The following STAB1 variants were observed in gnomAD, a reference collection of about 807,000 sequenced individuals.
The protein encoded by STAB1 is stabilin-1.
In STAB1, 250 loss-of-function variants were observed where a neutral mutation model predicts 332.4. The observed-to-expected ratio is 0.75, with a 90% CI of 0.68 to 0.84. STAB1 has a LOEUF of 0.84. Ranked by LOEUF, STAB1 falls within the 40% of genes least tolerant of loss-of-function variation. The pLI is 0.00. For missense variants in STAB1, 3,249 were observed against 3,489.7 expected, an observed-to-expected ratio of 0.93 and a Z score of 1.74; for synonymous variants, 1,475 against 1,390.4, an observed-to-expected ratio of 1.06 and a Z score of -1.35.
In STAB1 at chr3:52,501,199, T is replaced by A. The variant is rs753286758; in HGVS notation, c.112T>A (p.Phe38Ile). ...CAAAGGCTGTGATGTGAAAACCACG[T>A]TTGTCACTCATGTACCCTGCACCTC... is the stretch of plus-strand genomic sequence containing the variant. ...LFKGCDVKTT[F>I]VTHVPCTSCA... Residue 38 changes from phenylalanine to isoleucine, a missense_variant, in exon 2 of 69, where the codon TTT (phenylalanine) becomes ATT (isoleucine). Coordinates refer to ENST00000321725, the MANE Select transcript of STAB1 (RefSeq NM_015136.3). The A allele has an allele frequency of 1.9e-6, 3 of 1,613,604 alleles. No individual in the cohort carries two copies. The highest frequency in any genetic ancestry group is 2.5e-6 in the Non-Finnish European group (3 of 1,179,904).
chr3:52,502,896 A>G (rs1225775266), intron 6 of STAB1, 103 bp from the exon 7 acceptor site: 3 of 1,247,534 alleles, frequency 2.4e-6, no homozygotes, highest in Admixed American at 2.3e-5. Flanking sequence ...CAGCAAGGTC[A>G]GGGCCCTGCT....
chr3:52,513,512 T>C (rs1709446917), intron 30 of STAB1, among the ~76,000 whole-genome samples: 1 of 152,190 alleles, frequency 6.6e-6, no homozygotes, highest in African/African-American at 2.4e-5. Flanking sequence ...GGGGAGGGTC[T>C]GTGTGCCCAG....
In STAB1 at chr3:52,522,848, C is replaced by T. The variant is rs750320801; in HGVS notation, c.6818C>T (p.Ala2273Val). 68 of 1,613,180 alleles carry T rather than the reference C, an allele frequency of 4.2e-5. No homozygotes were observed. Among genetic ancestry groups the T allele is most frequent in the Admixed American group, 6.7e-5 (4 of 60,002 alleles). Residue 2273 changes from alanine (A) to valine (V), a missense_variant, in exon 62 of 69, where the codon GCG (alanine) becomes GTG (valine). Ala to Val is a moderately conservative substitution (Grantham distance 64). Coordinates refer to ENST00000321725, the MANE Select transcript of STAB1 (RefSeq NM_015136.3). ...GCCCACCCTGTGGTTTTCCCTGTGG[C>T]GGACTGTGGCAATGGTCGGGTGGGC... is the stretch of plus-strand genomic sequence containing the variant. The part of the protein sequence containing the change: ...STAHPVVFPV[A>V]DCGNGRVGIV...
At chr3:52,503,750 C>T (rs1708627387) in intron 8 of STAB1, 22 bp from the exon 9 acceptor site, 1 of 1,612,628 alleles carries the variant, frequency 6.2e-7, no homozygotes, top group South Asian at 1.1e-5. Context: ...TGGTGTTCCC[C>T]TCCTGCCCTG....
rs763792394 is a variant in STAB1 at position 52,509,944 on chromosome 3, C to T, written c.2422C>T (p.Pro808Ser). Residue 808 changes from proline to serine, a missense_variant, in exon 23 of 69, where the codon CCT becomes TCT. Physicochemically the swap from Pro to Ser is moderately conservative, Grantham distance 74. Transcript: ENST00000321725. ...GGTGTGCCAGCAGGGCACGTGTGCCCCTGGCTTCAGTGGCCGGTTCTGCAA... is the reference window on the plus strand; with the variant it reads ...GGTGTGCCAGCAGGGCACGTGTGCCTCTGGCTTCAGTGGCCGGTTCTGCAA... ...GGVCQQGTCA[P>S]GFSGRFCNES... 1.2e-6 allele frequency: 2 copies of T among 1,612,900 alleles called. No homozygotes were observed. Among genetic ancestry groups the T allele is most frequent in the Non-Finnish European group, 1.7e-6 (2 of 1,179,996 alleles).
At chr3:52,516,910 C>G in intron 41 of STAB1, 74 bp from the exon 42 acceptor site, 5 of 1,602,088 alleles carry the variant, frequency 3.1e-6, no homozygotes, top group Non-Finnish European at 4.3e-6. Flanking sequence ...TTTCCTTTCT[C>G]TCACGCCCTC....
intron 16 of STAB1, 80 bp downstream of exon 16, chr3:52,506,016 AT>A: frequency 6.4e-7 from 1 of 1,569,100 alleles, no homozygotes; most frequent in South Asian, 1.1e-5. Context: ...CCAAGGCCCC[AT>A]CTCTTCTCCA....
At chr3:52,506,994 A>G in intron 18 of STAB1, 144 bp downstream of exon 18, 1 of 1,129,918 alleles carries the variant, frequency 8.9e-7, no homozygotes, top group Non-Finnish European at 1.2e-6. Context: ...CCAAGGACCC[A>G]CCTGTGCTTC....
At chr3:52,508,202 G>A in intron 20 of STAB1, 71 bp from the exon 21 acceptor site, 9 of 1,487,816 alleles carry the variant, frequency 6.0e-6, no homozygotes, top group Non-Finnish European at 7.4e-6. Flanking sequence ...ATGGGGCCAG[G>A]GAGCAGAGGC....
At chr3:52,496,422 C>T (rs954261334) in intron 1 of STAB1, among the ~76,000 whole-genome samples, 2 of 152,230 alleles carry the variant, frequency 1.3e-5, no homozygotes, top group African/African-American at 4.8e-5. Flanking sequence ...GCGGGGAGGA[C>T]TTGCCCAGGA....
chr3:52,502,830 G>T, intron 6 of STAB1, 103 bp downstream of exon 6: 1 of 1,348,390 alleles, frequency 7.4e-7, no homozygotes, highest in South Asian at 1.3e-5. Context: ...CAGGACCTCC[G>T]CCTGGAGCCT....
At chr3:52,514,044 G>A (rs1709488103) in intron 32 of STAB1, 63 bp downstream of exon 32, 2 of 1,597,436 alleles carry the variant, frequency 1.3e-6, no homozygotes, top group Non-Finnish European at 1.7e-6. Context: ...AGGTCCAGAG[G>A]GACCTGGCTG....
At position 52,501,298 on chromosome 3, in the gene STAB1, T is replaced by C; in HGVS notation, c.211T>C (p.Cys71Arg). The C allele has an allele frequency of 6.2e-7, 1 of 1,612,918 alleles. No individual in the cohort carries two copies. The highest frequency in any genetic ancestry group is 8.5e-7 in the Non-Finnish European group (1 of 1,179,756). Residue 71 changes from cysteine (C) to arginine (R), a missense_variant, in exon 2 of 69, where the codon TGC (cysteine) becomes CGC (arginine). Cys to Arg is a radical substitution (Grantham distance 180). Coordinates refer to ENST00000321725, the MANE Select transcript of STAB1 (RefSeq NM_015136.3). ...RELPDQITQD[C>R]RYEVQLGGSM... ...GCTCCCGGATCAGATAACCCAGGAC[T>C]GCCGGTGCGGGCCACCCCTGTCCTT...
chr3:52,518,737 G>A lies in STAB1; in HGVS notation c.4902G>A (p.Arg1634=), dbSNP rs1029137422. ...CTCTGCTCCAGGATGAGCTGGCCCG[G>A]ATTCGTGCGCATCGCCAGCTGGTGT... ...MSNLSQDELA[R]IRAHRQLVFR... The change falls in exon 48 of 69, where the codon CGG becomes CGA. Residue 1634 remains arginine, a synonymous_variant. Transcript: ENST00000321725. 2.5e-6 allele frequency: 4 copies of A among 1,612,430 alleles called. No homozygotes were observed. Among genetic ancestry groups the A allele is most frequent in the African/African-American group, 2.7e-5 (2 of 74,908 alleles).
Position 52,506,724 on chromosome 3 carries a change from G to T in STAB1, c.1863G>T (p.Pro621=), listed in dbSNP as rs776333999. ...GRILLGPEGV[P]LQRVDVMAAN... is the part of the protein sequence containing the mutation. ...TCCTGCTGGGACCCGAGGGGGTCCC[G>T]CTGCAGAGGGTAGACGTGATGGCCG... Residue 621 remains proline, a synonymous_variant, in exon 18 of 69, where the codon CCG becomes CCT. Coordinates refer to ENST00000321725, the MANE Select transcript of STAB1 (RefSeq NM_015136.3). 5.4e-5 allele frequency: 87 copies of T among 1,611,896 alleles called. No individual in the cohort carries two copies.
In STAB1 at chr3:52,522,892, C is replaced by T. The variant is rs758492129; in HGVS notation, c.6862C>T (p.Arg2288Cys). Residue 2288 changes from arginine (R) to cysteine (C), a missense_variant, in exon 62 of 69, where the codon CGC becomes TGC. Physicochemically the swap from Arg to Cys is radical, Grantham distance 180. Coordinates refer to ENST00000321725, the MANE Select transcript of STAB1 (RefSeq NM_015136.3). ...GRVGIVSLGA[R>C]KNLSERWDAY... is the part of the protein sequence containing the mutation. Reference sequence around the variant, plus strand: ...GGTGGGCATAGTCAGCCTGGGTGCCCGCAAGAACCTCTCAGAACGCTGGGA... The same window carrying T: ...GGTGGGCATAGTCAGCCTGGGTGCCTGCAAGAACCTCTCAGAACGCTGGGA... The T allele has an allele frequency of 2.2e-5, 35 of 1,613,232 alleles. No individual in the cohort carries two copies. The highest frequency in any genetic ancestry group is 2.7e-5 in the African/African-American group (2 of 74,916).
In STAB1 at chr3:52,523,757, G is replaced by A. The variant is rs201343811; in HGVS notation, c.7395+1G>A. 1.2e-5 allele frequency: 19 copies of A among 1,597,176 alleles called. No individual in the cohort carries two copies. The highest frequency in any genetic ancestry group is 3.3e-5 in the Admixed American group (2 of 59,746). ...CCCCCTCCTGGCACCCCCACAGCCC[G>A]TGAGTTGAGGAAGGGGGAGGCAGAG... On this transcript the variant is annotated splice_donor_variant, in intron 66 of 68. Transcript: ENST00000321725. LOFTEE classifies it high-confidence loss of function.
At position 52,520,139 on chromosome 3, in the gene STAB1, C is replaced by A. The variant is rs748502092; in HGVS notation, c.5412+19C>A. On this transcript the variant is annotated intron_variant, in intron 51 of 68. Transcript: ENST00000321725. ...TGTCGAGGTGGGTGCAGCCCCCAAC[C>A]TTGGTCTTCACTGCCTGCAGCTCAG... The A allele has an allele frequency of 1.2e-6, 2 of 1,612,470 alleles. No individual in the cohort carries two copies. The highest frequency in any genetic ancestry group is 1.7e-5 in the Admixed American group (1 of 60,022).
At chr3:52,518,247 C>T (rs1280628429) in intron 45 of STAB1, 65 bp from the exon 46 acceptor site, 1 of 1,601,602 alleles carries the variant, frequency 6.2e-7, no homozygotes, top group African/African-American at 1.3e-5. Context: ...GCCGCAGGTG[C>T]TGGGACAGGC....
Sources: gnomAD v4.1 joint callset for allele counts (sites outside exome capture counted in the v4.1 genomes callset) on GRCh38, gnomAD v4.1.1 for gene constraint, MANE v1.5 for transcripts, NCBI Gene and HGNC (gene_info 2026-07-23, HGNC 2026-07-21) for gene names.